PDE4B: variants seen among roughly 807,000 people sequenced by gnomAD.
PDE4B encodes phosphodiesterase 4B.
In PDE4B, 20 loss-of-function variants were observed where a neutral mutation model predicts 82.2. That is an observed-to-expected ratio of 0.24 (90% CI 0.17 to 0.35). The LOEUF (loss-of-function observed/expected upper bound fraction) is 0.35, where lower values mean the gene tolerates loss of function less well. Ranked by LOEUF, PDE4B falls within the 10% of genes least tolerant of loss-of-function variation. The pLI is 1.00. For synonymous variants in PDE4B, 320 were observed against 318.9 expected (o/e 1.00, Z -0.04); for missense variants, 655 against 907.2 (o/e 0.72, Z 3.57).
intron 3 of PDE4B, among the ~76,000 whole-genome samples, chr1:66,238,467 G>A (rs924714067): frequency 6.6e-6 from 1 of 152,210 alleles, no homozygotes; most frequent in Admixed American, 6.5e-5. Context: ...CTTGCTATGT[G>A]GAGAAGGTTT....
At chr1:65,981,279 G>A (rs1650674430) in intron 3 of PDE4B, among the ~76,000 whole-genome samples, 1 of 152,112 alleles carries the variant, frequency 6.6e-6, no homozygotes, top group South Asian at 2.1e-4. Flanking sequence ...GAGTGAACAT[G>A]CCAAGGTACG....
Position 65,813,463 on chromosome 1 carries a change from A to G in PDE4B, c.-71+20215A>G, listed in dbSNP as rs117490060. On this transcript the variant is annotated intron_variant, in intron 1 of 16. Transcript: ENST00000341517. The stretch of plus-strand genomic sequence containing the variant: ...CCATATAAAATAATACCTATCTGAA[A>G]AGTATTTGGAAGGTGGTCTGGAACT... 1.0e-3 allele frequency among the ~76,000 whole-genome samples: 159 copies of G among 152,338 alleles called. 3 individuals carry two copies. In the East Asian group the frequency reaches 0.027, roughly 26 times the overall value.
intron 7 of PDE4B, among the ~76,000 whole-genome samples, chr1:66,323,932 C>G (rs1181691365): frequency 2.6e-5 from 4 of 152,182 alleles, no homozygotes; most frequent in South Asian, 4.1e-4. Context: ...CTATCACTTT[C>G]TTGTGTCATT....
intron 3 of PDE4B, among the ~76,000 whole-genome samples, chr1:65,920,044 A>G (rs1186701783): frequency 1.3e-5 from 2 of 152,220 alleles, no homozygotes; most frequent in Non-Finnish European, 2.9e-5. Flanking sequence ...ATAGCCAATC[A>G]TGGAGAATTA....
chr1:65,991,464 G>A (rs749128266), intron 3 of PDE4B, among the ~76,000 whole-genome samples: 8 of 152,200 alleles, frequency 5.3e-5, no homozygotes, highest in South Asian at 4.1e-4. Context: ...AAGTCTTACC[G>A]AGAATCATTT....
chr1:66,316,320 C>G lies in PDE4B; in HGVS notation c.635-16188C>G, dbSNP rs191581350. Among the ~76,000 whole-genome samples the G allele has an allele frequency of 1.4e-4, 22 of 152,280 alleles. No homozygotes were observed. The East Asian group carries it at 3.9e-3, about 27-fold the overall frequency. On this transcript the variant is annotated intron_variant, in intron 7 of 16. Transcript: ENST00000341517. Reference sequence around the variant, plus strand: ...ACATAATTCAAGGAAATCTTCCAAACTAGATAACATGATATTATATGGTAA... The same window carrying G: ...ACATAATTCAAGGAAATCTTCCAAAGTAGATAACATGATATTATATGGTAA...
At chr1:65,925,930 T>C (rs986210389) in intron 3 of PDE4B, among the ~76,000 whole-genome samples, 1 of 152,168 alleles carries the variant, frequency 6.6e-6, no homozygotes, top group Non-Finnish European at 1.5e-5. Flanking sequence ...GCTTGAATTA[T>C]CACTGAGGCT....
chr1:65,960,341 T>A (rs1447537268), intron 3 of PDE4B, among the ~76,000 whole-genome samples: 1 of 151,996 alleles, frequency 6.6e-6, no homozygotes, highest in East Asian at 1.9e-4. Flanking sequence ...CTGTCGGTGG[T>A]GGATATGGAA....
intron 1 of PDE4B, among the ~76,000 whole-genome samples, chr1:65,840,148 A>T (rs550749211): frequency 1.8e-4 from 28 of 152,268 alleles, no homozygotes; most frequent in Admixed American, 1.6e-3. Flanking sequence ...CTCAGTTAAT[A>T]AATACTTCTG....
At chr1:66,068,314 T>A (rs750351413) in intron 3 of PDE4B, among the ~76,000 whole-genome samples, 6 of 151,814 alleles carry the variant, frequency 4.0e-5, no homozygotes, top group Non-Finnish European at 7.4e-5. Flanking sequence ...AAAGCAGGCG[T>A]TGAAAGAGAA....
chr1:66,289,133 T>G lies in PDE4B; in HGVS notation c.634+23046T>G, dbSNP rs1353337794. On this transcript the variant is annotated intron_variant, in intron 7 of 16. Coordinates refer to ENST00000341517, the MANE Select transcript of PDE4B (RefSeq NM_002600.4). Reference sequence around the variant, plus strand: ...ATAAAAATAAAATAGCCAGGGGCAGTGACACATGCCTGTGATCTCAGCCTC... The same window carrying G: ...ATAAAAATAAAATAGCCAGGGGCAGGGACACATGCCTGTGATCTCAGCCTC... Among the ~76,000 whole-genome samples, 7 of 152,124 alleles carry G rather than the reference T, an allele frequency of 4.6e-5. No homozygotes were observed. In the East Asian group the frequency reaches 1.3e-3, roughly 29 times the overall value.
intron 3 of PDE4B, among the ~76,000 whole-genome samples, chr1:66,140,502 A>G (rs1278274402): frequency 1.3e-5 from 2 of 152,234 alleles, no homozygotes; most frequent in Non-Finnish European, 2.9e-5. Context: ...AATGTGTTAA[A>G]TGTCTCAATT....
intron 3 of PDE4B, among the ~76,000 whole-genome samples, chr1:65,949,801 T>G (rs1648902406): frequency 6.6e-6 from 1 of 152,004 alleles, no homozygotes; most frequent in African/African-American, 2.4e-5. Flanking sequence ...TAGCTCTGTC[T>G]TCCAATAAGA....
chr1:66,057,479 C>T (rs980769987), intron 3 of PDE4B, among the ~76,000 whole-genome samples: 3 of 152,094 alleles, frequency 2.0e-5, no homozygotes, highest in Non-Finnish European at 4.4e-5. Context: ...GAGGCTAATA[C>T]ATATTATATT....
chr1:65,818,683 C>CATATATATATAT (rs1471583640), intron 1 of PDE4B, among the ~76,000 whole-genome samples: 9 of 45,548 alleles, frequency 2.0e-4, no homozygotes, highest in African/African-American at 5.3e-4. Context: ...CACACACACA[C>CATATATATATAT]ACATATATAT....
intron 2 of PDE4B, 106 bp downstream of exon 2, chr1:65,913,462 C>A: frequency 1.9e-6 from 2 of 1,039,252 alleles, no homozygotes; most frequent in Non-Finnish European, 3.0e-6. Flanking sequence ...CACTCTGTGA[C>A]TAGGTGTTTC....
At chr1:66,117,635 T>C (rs1645622450) in intron 3 of PDE4B, among the ~76,000 whole-genome samples, 1 of 152,172 alleles carries the variant, frequency 6.6e-6, no homozygotes, top group African/African-American at 2.4e-5. Flanking sequence ...TATAGCTTTA[T>C]CCATAGTGAG....
intron 3 of PDE4B, among the ~76,000 whole-genome samples, chr1:66,158,998 G>C (rs888834288): frequency 2.0e-5 from 3 of 152,162 alleles, no homozygotes; most frequent in Non-Finnish European, 4.4e-5. Context: ...CTTACAGTTA[G>C]GAAGAACAAG....
chr1:66,257,730 T>C (rs780063767), intron 5 of PDE4B, 47 bp downstream of exon 5: 1 of 1,609,352 alleles, frequency 6.2e-7, no homozygotes, highest in Non-Finnish European at 8.5e-7. Context: ...CGCTGGTTTC[T>C]AAGTCTGAAC....
Sources: allele counts gnomAD v4.1 joint callset (sites outside exome capture counted in the v4.1 genomes callset), GRCh38; gene constraint gnomAD v4.1.1; transcripts MANE v1.5; gene names NCBI Gene and HGNC (gene_info 2026-07-23, HGNC 2026-07-21).